Variants in STARD4 observed in about 807,000 individuals in gnomAD.
STARD4 encodes stAR-related lipid transfer protein 4.
A neutral mutation model predicts 24.9 loss-of-function variants in STARD4; 33 were observed. The observed-to-expected ratio is 1.32, with a 90% CI of 1.00 to 1.77. The LOEUF is 1.77. STARD4 is among the 40% of genes most tolerant of loss of function. The probability of loss-of-function intolerance (pLI) is 0.00; values close to 1 mark genes in which losing one functional copy is unlikely to be tolerated. For synonymous variants in STARD4, 88 were observed against 77.4 expected (o/e 1.14, Z -0.72); for missense variants, 238 against 249.3 (o/e 0.95, Z 0.31).
At chr5:111,504,788 C>T (rs1419678104) in intron 3 of STARD4, among the ~76,000 whole-genome samples, 1 of 152,190 alleles carries the variant, frequency 6.6e-6, no homozygotes, top group Non-Finnish European at 1.5e-5. Flanking sequence ...TTCTTCTTCT[C>T]TTAACCCCAT....
chr5:111,498,146 A>T lies in STARD4; in HGVS notation c.*1740T>A, dbSNP rs1352311368. ...TAGAGCCCAGCAGATCTAAGGGGCC[A>T]TCTAGAAGCTGCACATACATTTTAG... On this transcript the variant is annotated 3_prime_UTR_variant, in exon 6 of 6. Coordinates refer to ENST00000296632, the MANE Select transcript of STARD4 (RefSeq NM_139164.3). 1 of 152,078 alleles carries T rather than the reference A, an allele frequency of 6.6e-6. No individual in the cohort carries two copies. Among genetic ancestry groups the T allele is most frequent in the Non-Finnish European group, 1.5e-5 (1 of 67,944 alleles). 9.4% of individuals were successfully genotyped at this position (152,078 alleles called of 1,614,324 possible). A position where few individuals can be genotyped will look rare whatever the true frequency, so the allele number is the denominator to read the frequency against.
Position 111,507,281 on chromosome 5 carries a change from C to G in STARD4, c.105+48G>C. On this transcript the variant is annotated intron_variant, in intron 2 of 5. Transcript: ENST00000296632. The surrounding 1 kb of genome is among the most constrained non-coding windows in gnomAD (Gnocchi z 4.4). ...TAATTTTAAAAGTCATCAACCAATT[C>G]ATTAGATAGAAGATATACCCCAAAT... The G allele has an allele frequency of 6.8e-7, 1 of 1,470,200 alleles. No individual in the cohort carries two copies. The allele number at this position is 1,470,200 out of a possible 1,614,324, so 91.1% of individuals were successfully genotyped here. A position where few individuals can be genotyped will look rare whatever the true frequency, so the allele number is the denominator to read the frequency against.
Position 111,506,346 on chromosome 5 carries a change from CT to C in STARD4, c.138del (p.Glu47AsnfsTer13). ...KDVTVWRKPS[E>X]EFNGYLYKAQ... The stretch of plus-strand genomic sequence containing the variant: ...GTTACTTACAGATATCCATTAAATT[CT>C]TCTGAGGGTTTTCTCCAAACAGTTA... On this transcript the variant is annotated frameshift_variant, in exon 3 of 6. Transcript: ENST00000296632. LOFTEE classifies it high-confidence loss of function. The C allele has an allele frequency of 1.3e-6, 2 of 1,504,950 alleles. No homozygotes were observed. The highest frequency in any genetic ancestry group is 1.8e-6 in the Non-Finnish European group (2 of 1,095,908). The allele number at this position is 1,504,950 out of a possible 1,614,324, so 93.2% of individuals were successfully genotyped here. A position where few individuals can be genotyped will look rare whatever the true frequency, so the allele number is the denominator to read the frequency against.
rs1431333556 is a variant in STARD4 at position 111,507,418 on chromosome 5, CA to C, written c.15del (p.Asp6MetfsTer33). The C allele has an allele frequency of 2.5e-6, 4 of 1,613,352 alleles. No homozygotes were observed. Among genetic ancestry groups the C allele is most frequent in the Non-Finnish European group, 3.4e-6 (4 of 1,179,708 alleles). MEGL[S>X]DVASFATKLK... is the part of the protein sequence containing the mutation. ...AGTTTAGTTGCAAAAGAAGCAACAT[CA>C]GACAGGCCTTCCATTACTTCTCTCT... On this transcript the variant is annotated frameshift_variant, in exon 2 of 6. Coordinates refer to ENST00000296632, the MANE Select transcript of STARD4 (RefSeq NM_139164.3). LOFTEE classifies it high-confidence loss of function. The surrounding 1 kb of genome is among the most constrained non-coding windows in gnomAD (Gnocchi z 4.4).
chr5:111,499,974 A>G lies in STARD4; in HGVS notation c.530T>C (p.Leu177Pro), dbSNP rs752301705. Residue 177 changes from leucine (L) to proline (P), a missense_variant, in exon 6 of 6, where the codon CTG becomes CCG. Transcript: ENST00000296632. ...CGCAGACTGAGGAATCATCCCACGC[A>G]GATCTGTCTGAATATATCCTGTCAA... is the stretch of plus-strand genomic sequence containing the variant. ...SLLTGYIQTD[L>P]RGMIPQSAVD... 8 of 1,614,184 alleles carry G rather than the reference A, an allele frequency of 5.0e-6. No homozygotes were observed. The East Asian group carries it at 1.8e-4, about 36-fold the overall frequency.
At position 111,500,700 on chromosome 5, in the gene STARD4, T is replaced by C. The variant is rs543861756; in HGVS notation, c.397+302A>G. On this transcript the variant is annotated intron_variant, in intron 5 of 5. Transcript: ENST00000296632. ...TGTGTATGACCAAGAAACTGTTTTC[T>C]GAGAGTGGCTTAGAAGAAAATCCAT... 5 of 1,365,850 alleles carry C rather than the reference T, an allele frequency of 3.7e-6. No homozygotes were observed. In the African/African-American group the frequency reaches 7.4e-5, roughly 20 times the overall value. The allele number at this position is 1,365,850 out of a possible 1,614,324, so 84.6% of individuals were successfully genotyped here.
At chr5:111,501,366 G>A (rs958466225) in intron 4 of STARD4, among the ~76,000 whole-genome samples, 2 of 152,172 alleles carry the variant, frequency 1.3e-5, no homozygotes, top group African/African-American at 4.8e-5. Flanking sequence ...CTAATTAAAT[G>A]CAGTTGTCTT....
intron 5 of STARD4, 50 bp downstream of exon 5, chr5:111,500,952 C>G (rs920975749): frequency 1.2e-6 from 2 of 1,611,312 alleles, no homozygotes; most frequent in Non-Finnish European, 1.7e-6. Flanking sequence ...CAAGAAAACA[C>G]AAATATTTAA....
Position 111,500,014 on chromosome 5 carries a change from G to A in STARD4, c.490C>T (p.Pro164Ser). The change falls in exon 6 of 6, where the codon CCA becomes TCA. Residue 164 changes from proline (P) to serine (S), a missense_variant. Transcript: ENST00000296632. ...GWFCVPLKDN[P>S]NQSLLTGYIQ... is the part of the protein sequence containing the mutation. Reference sequence around the variant, plus strand: ...TATCCTGTCAAAAGACTCTGGTTTGGGTTGTCTTTAAGTGGAACACAAAAC... The same window carrying A: ...TATCCTGTCAAAAGACTCTGGTTTGAGTTGTCTTTAAGTGGAACACAAAAC... 2.5e-6 allele frequency: 4 copies of A among 1,614,054 alleles called. No individual in the cohort carries two copies. The highest frequency in any genetic ancestry group is 3.4e-6 in the Non-Finnish European group (4 of 1,180,012).
At chr5:111,501,710 T>C (rs1171205564) in intron 4 of STARD4, among the ~76,000 whole-genome samples, 2 of 152,202 alleles carry the variant, frequency 1.3e-5, no homozygotes, top group Non-Finnish European at 2.9e-5. Context: ...GGATGCTGAA[T>C]ATAGTTTTAA....
chr5:111,504,480 A>G (rs1044404894), intron 3 of STARD4, among the ~76,000 whole-genome samples: 2 of 152,242 alleles, frequency 1.3e-5, no homozygotes, highest in African/African-American at 2.4e-5. Context: ...TTGTTTATGG[A>G]TATATAAATA....
chr5:111,512,020 G>C (rs1006916206), intron 1 of STARD4, among the ~76,000 whole-genome samples: 1 of 152,198 alleles, frequency 6.6e-6, no homozygotes, highest in African/African-American at 2.4e-5. Context: ...GACCTCCAAA[G>C]AACAGGACTG....
intron 5 of STARD4, 53 bp from the exon 6 acceptor site, chr5:111,500,159 C>T: frequency 1.4e-6 from 2 of 1,471,938 alleles, no homozygotes; most frequent in Non-Finnish European, 1.8e-6. Flanking sequence ...TGACATAAAA[C>T]TCTCATTTTA....
Position 111,497,174 on chromosome 5 carries a change from G to C in STARD4, c.*2712C>G, listed in dbSNP as rs1181862687. Reference sequence around the variant, plus strand: ...GAATAGTCAACCATTTAACAAGAAGGCAGATTATATTCTTTCATTTCACCA... The same window carrying C: ...GAATAGTCAACCATTTAACAAGAAGCCAGATTATATTCTTTCATTTCACCA... On this transcript the variant is annotated 3_prime_UTR_variant, in exon 6 of 6. Coordinates refer to ENST00000296632, the MANE Select transcript of STARD4 (RefSeq NM_139164.3). 1 of 151,816 alleles carries C rather than the reference G, an allele frequency of 6.6e-6. No individual in the cohort carries two copies. The highest frequency in any genetic ancestry group is 1.5e-5 in the Non-Finnish European group (1 of 67,858). The allele number at this position is 151,816 out of a possible 1,614,324, so 9.4% of individuals were successfully genotyped here.
Position 111,507,869 on chromosome 5 carries a change from G to T in STARD4, c.-9-427C>A, listed in dbSNP as rs977640743. 8.5e-5 allele frequency among the ~76,000 whole-genome samples: 13 copies of T among 152,082 alleles called. No individual in the cohort carries two copies. Among genetic ancestry groups the T allele is most frequent in the African/African-American group, 3.1e-4 (13 of 41,406 alleles). On this transcript the variant is annotated intron_variant, in intron 1 of 5. Coordinates refer to ENST00000296632, the MANE Select transcript of STARD4 (RefSeq NM_139164.3). This position sits in a 1 kb window ranked among gnomAD's most constrained non-coding sequence, Gnocchi z 4.4. Reference sequence around the variant, plus strand: ...TAAAGGGAATCTCTTGCCTCCCCTGGCTTCCCTCAATTTGTCACAGTATTC... The same window carrying T: ...TAAAGGGAATCTCTTGCCTCCCCTGTCTTCCCTCAATTTGTCACAGTATTC...
chr5:111,504,269 CTA>C (rs1561538106), intron 3 of STARD4, among the ~76,000 whole-genome samples: 1 of 152,114 alleles, frequency 6.6e-6, no homozygotes, highest in Non-Finnish European at 1.5e-5. Flanking sequence ...GCCTAAAAAT[CTA>C]TCAATAGGTG....
chr5:111,500,985 C>A lies in STARD4; in HGVS notation c.397+17G>T. 1.2e-6 allele frequency: 2 copies of A among 1,613,574 alleles called. No individual in the cohort carries two copies. Among genetic ancestry groups the A allele is most frequent in the South Asian group, 2.2e-5 (2 of 91,028 alleles). The stretch of plus-strand genomic sequence containing the variant: ...TAAACCATACTGAAAAAAAGCATAA[C>A]ATGTTGAGATTATTACCACAAGATA... On this transcript the variant is annotated intron_variant, in intron 5 of 5. Transcript: ENST00000296632.
chr5:111,501,248 G>T, intron 4 of STARD4, 132 bp from the exon 5 acceptor site: 1 of 985,326 alleles, frequency 1.0e-6, no homozygotes, highest in Non-Finnish European at 1.4e-6. Flanking sequence ...TTCTTACACT[G>T]ATTCTGACAG....
intron 3 of STARD4, among the ~76,000 whole-genome samples, chr5:111,504,694 T>C (rs1756719747): frequency 6.6e-6 from 1 of 152,208 alleles, no homozygotes; most frequent in Non-Finnish European, 1.5e-5. Flanking sequence ...TGCTCTCTCA[T>C]CTTGTATTCT....
Sources: allele counts gnomAD v4.1 joint callset (sites outside exome capture counted in the v4.1 genomes callset), GRCh38; gene constraint gnomAD v4.1.1; non-coding constraint Gnocchi (gnomAD v3.1); transcripts MANE v1.5; gene names NCBI Gene and HGNC (gene_info 2026-07-23, HGNC 2026-07-21).